TCF4: variants seen among roughly 807,000 people sequenced by gnomAD.
The protein encoded by TCF4 is transcription factor 4.
TCF4 carries 3 observed loss-of-function variants against 82.1 expected under a neutral mutation model. The ratio of observed to expected loss-of-function variants is 0.04; its 90% CI spans 0.02 to 0.09. TCF4 has a LOEUF of 0.09. Ranked by LOEUF, TCF4 falls within the 10% of genes least tolerant of loss-of-function variation. The pLI is 1.00. For missense variants in TCF4, 518 were observed against 852.7 expected, an observed-to-expected ratio of 0.61 and a Z score of 4.89; for synonymous variants, 276 against 309.6, an observed-to-expected ratio of 0.89 and a Z score of 1.14.
chr18:55,398,517 AC>A (rs1348056053), intron 6 of TCF4, among the ~76,000 whole-genome samples: 1 of 151,870 alleles, frequency 6.6e-6, no homozygotes, highest in Non-Finnish European at 1.5e-5. Context: ...AGACGATTCA[AC>A]CCCCCAAAAA....
intron 3 of TCF4, among the ~76,000 whole-genome samples, chr18:55,469,903 T>C (rs2096135495): frequency 6.6e-6 from 1 of 152,196 alleles, no homozygotes; most frequent in South Asian, 2.1e-4. Flanking sequence ...GGATAACAGT[T>C]TTTTGAAAAA....
chr18:55,399,908 A>ACT (rs2093718171), intron 6 of TCF4, among the ~76,000 whole-genome samples: 1 of 150,298 alleles, frequency 6.7e-6, no homozygotes, highest in Non-Finnish European at 1.5e-5. Context: ...ACACACACAC[A>ACT]CACACACACA....
intron 6 of TCF4, among the ~76,000 whole-genome samples, chr18:55,359,405 G>T (rs1160004721): frequency 3.3e-5 from 5 of 152,100 alleles, no homozygotes; most frequent in Non-Finnish European, 7.3e-5. Context: ...AGCCTTGTAT[G>T]GAAAGTAACT....
intron 6 of TCF4, among the ~76,000 whole-genome samples, chr18:55,355,152 T>C (rs1483617136): frequency 6.6e-6 from 1 of 152,192 alleles, no homozygotes; most frequent in African/African-American, 2.4e-5. Flanking sequence ...AAAGCCAGGA[T>C]TTTTTAAAAT....
chr18:55,567,898 A>G (rs1252573101), intron 3 of TCF4, among the ~76,000 whole-genome samples: 1 of 152,200 alleles, frequency 6.6e-6, no homozygotes, highest in African/African-American at 2.4e-5. Flanking sequence ...TTCTCTGACA[A>G]CAATTAAATT....
chr18:55,417,407 T>C lies in TCF4; in HGVS notation c.305-13889A>G, dbSNP rs928769035. Among the ~76,000 whole-genome samples the C allele has an allele frequency of 2.0e-5, 3 of 152,188 alleles. No homozygotes were observed. In the East Asian group the frequency reaches 5.8e-4, roughly 29 times the overall value. The stretch of plus-strand genomic sequence containing the variant: ...TAGGATATTTAAATGAAAGTGATCA[T>C]TGGATTAGGGCATTTAAATGAAACT... On this transcript the variant is annotated intron_variant, in intron 5 of 19. Transcript: ENST00000354452.
chr18:55,525,470 G>C (rs922641223), intron 3 of TCF4, among the ~76,000 whole-genome samples: 6 of 152,112 alleles, frequency 3.9e-5, no homozygotes. Context: ...ATTTGTGGTA[G>C]AAATCTGAAA....
intron 3 of TCF4, among the ~76,000 whole-genome samples, chr18:55,574,363 C>T (rs561357461): frequency 3.0e-4 from 45 of 152,178 alleles, no homozygotes; most frequent in Admixed American, 1.6e-3. Flanking sequence ...CTTGCTCTGT[C>T]GCCAATACTG....
chr18:55,259,779 C>T (rs778434402), intron 13 of TCF4, 170 bp downstream of exon 13: 1 of 637,060 alleles, frequency 1.6e-6, no homozygotes, highest in Non-Finnish European at 2.8e-6. Flanking sequence ...AACGACTATA[C>T]TGTTATCTGG....
chr18:55,437,509 T>C (rs1423446748), intron 5 of TCF4, among the ~76,000 whole-genome samples: 4 of 152,192 alleles, frequency 2.6e-5, no homozygotes, highest in Admixed American at 2.6e-4. Context: ...TAGTGGTAAA[T>C]AATTAGGTGC....
At chr18:55,264,800 G>A (rs560846995) in intron 11 of TCF4, 1 of 152,132 alleles carries the variant, frequency 6.6e-6, no homozygotes, top group African/African-American at 2.4e-5. Flanking sequence ...TCTAATTTTG[G>A]CTCTAATCAA....
At chr18:55,499,883 T>C (rs1418966085) in intron 3 of TCF4, among the ~76,000 whole-genome samples, 1 of 152,192 alleles carries the variant, frequency 6.6e-6, no homozygotes, top group East Asian at 1.9e-4. Flanking sequence ...CAGCAATGTC[T>C]GCATATTTTA....
At chr18:55,246,748 T>C (rs975990535) in intron 15 of TCF4, among the ~76,000 whole-genome samples, 2 of 152,140 alleles carry the variant, frequency 1.3e-5, no homozygotes, top group Non-Finnish European at 2.9e-5. Context: ...AAGTATGATA[T>C]TGATAAAGTT....
intron 16 of TCF4, among the ~76,000 whole-genome samples, chr18:55,233,542 G>T (rs1336610035): frequency 6.6e-6 from 1 of 152,156 alleles, no homozygotes; most frequent in Non-Finnish European, 1.5e-5. Context: ...CTGGCCAGTT[G>T]TGGTGGTTCA....
At chr18:55,268,384 C>A in intron 11 of TCF4, 1 of 152,128 alleles carries the variant, frequency 6.6e-6, no homozygotes, top group Admixed American at 6.6e-5. Flanking sequence ...CAGTTCTGCA[C>A]TGCTTTCTTT....
At chr18:55,401,955 C>G (rs1231768796) in intron 6 of TCF4, 2 of 925,968 alleles carry the variant, frequency 2.2e-6, no homozygotes, top group Non-Finnish European at 2.6e-6. Context: ...ACCAGACCCA[C>G]AGGAACACGG....
chr18:55,277,513 T>C (rs2146203000), intron 9 of TCF4, among the ~76,000 whole-genome samples: 1 of 152,160 alleles, frequency 6.6e-6, no homozygotes, highest in South Asian at 2.1e-4. Context: ...ATTTATCACA[T>C]CCCATGATCT....
chr18:55,448,460 C>T lies in TCF4; in HGVS notation c.304+12559G>A, dbSNP rs192096663. On this transcript the variant is annotated intron_variant, in intron 5 of 19. Coordinates refer to ENST00000354452, the MANE Select transcript of TCF4 (RefSeq NM_001083962.2). Reference sequence around the variant, plus strand: ...AATCCATTGTACGTTGCCTGACTAACGGACCATGTCTTGAACGGCTAAATG... The same window carrying T: ...AATCCATTGTACGTTGCCTGACTAATGGACCATGTCTTGAACGGCTAAATG... 1.2e-3 allele frequency among the ~76,000 whole-genome samples: 176 copies of T among 152,360 alleles called. 2 individuals are homozygous for T. Among genetic ancestry groups the T allele is most frequent in the East Asian group, 9.4e-3 (49 of 5,188 alleles).
At chr18:55,350,681 G>T (rs1038916191) in intron 7 of TCF4, among the ~76,000 whole-genome samples, 193 bp downstream of exon 7, 2 of 151,706 alleles carry the variant, frequency 1.3e-5, no homozygotes, top group African/African-American at 4.8e-5. Flanking sequence ...CACCAAAAAA[G>T]TTCTGCTACC....
Sources: allele counts gnomAD v4.1 joint callset (sites outside exome capture counted in the v4.1 genomes callset), GRCh38; gene constraint gnomAD v4.1.1; transcripts MANE v1.5; gene names NCBI Gene and HGNC (gene_info 2026-07-23, HGNC 2026-07-21).